ADGRA3: variants seen among roughly 807,000 people sequenced by gnomAD.
ADGRA3 encodes G-protein coupled receptor 125.
Under a neutral mutation model 119.8 loss-of-function variants are expected in ADGRA3, and 56 were observed. The observed-to-expected ratio is 0.47, with a 90% CI of 0.38 to 0.58. ADGRA3 has a LOEUF of 0.58. Ranked by LOEUF, ADGRA3 falls within the 20% of genes least tolerant of loss-of-function variation. The pLI is 0.00. For missense variants in ADGRA3, 1,516 were observed against 1,649.0 expected (o/e 0.92, Z 1.40); for synonymous variants, 607 against 623.8 (o/e 0.97, Z 0.40).
rs902164391 is a variant in ADGRA3 at position 22,422,444 on chromosome 4, G to A, written c.1606-1355C>T. 2.6e-5 allele frequency among the ~76,000 whole-genome samples: 4 copies of A among 152,156 alleles called. No individual in the cohort carries two copies. In the South Asian group the frequency reaches 8.3e-4, roughly 31 times the overall value. ...GTTTTTGCCTCACAATGTAAACACA[G>A]TGAAAAGTCTTTTTAATTCAACTTA... is the stretch of plus-strand genomic sequence containing the variant. On this transcript the variant is annotated intron_variant, in intron 11 of 18. Coordinates refer to ENST00000334304, the MANE Select transcript of ADGRA3 (RefSeq NM_145290.4).
Position 22,471,303 on chromosome 4 carries a change from G to A in ADGRA3, c.329+2469C>T, listed in dbSNP as rs1717851228. 4.6e-5 allele frequency among the ~76,000 whole-genome samples: 7 copies of A among 152,120 alleles called. No homozygotes were observed. The South Asian group carries it at 1.4e-3, about 31-fold the overall frequency. ...AAAGAAGGAAACAACAGAGGCTGGGGCCTACTTGAGCGGGGAAGATGGGAG... is the reference window on the plus strand; with the variant it reads ...AAAGAAGGAAACAACAGAGGCTGGGACCTACTTGAGCGGGGAAGATGGGAG... On this transcript the variant is annotated intron_variant, in intron 2 of 18. Transcript: ENST00000334304.
chr4:22,482,057 G>C (rs967619480), intron 1 of ADGRA3, among the ~76,000 whole-genome samples: 1 of 152,078 alleles, frequency 6.6e-6, no homozygotes, highest in Non-Finnish European at 1.5e-5. Flanking sequence ...CCTTTGATTG[G>C]ATGCATTGAC....
intron 2 of ADGRA3, among the ~76,000 whole-genome samples, chr4:22,472,680 T>C (rs1025593662): frequency 1.3e-5 from 2 of 151,816 alleles, no homozygotes; most frequent in African/African-American, 4.8e-5. Flanking sequence ...ATCAGGAACC[T>C]AAGTAATGAA....
chr4:22,489,631 T>C (rs1291164900), intron 1 of ADGRA3, among the ~76,000 whole-genome samples: 1 of 152,216 alleles, frequency 6.6e-6, no homozygotes, highest in African/African-American at 2.4e-5. Context: ...CACATTCTAC[T>C]AAAATTTCCA....
In ADGRA3 at chr4:22,513,845, C is replaced by CA. The variant is rs59015584; in HGVS notation, c.257+1682dup. On this transcript the variant is annotated intron_variant, in intron 1 of 18. Coordinates refer to ENST00000334304, the MANE Select transcript of ADGRA3 (RefSeq NM_145290.4). ...TATTTTCATCTAAAAAGCTTTCAGG[C>CA]AAAAAAAAAAAAAAAAAAAAAAAAA... Among the ~76,000 whole-genome samples the CA allele has an allele frequency of 2.9e-3, 91 of 31,470 alleles. 4 individuals carry two copies. Among genetic ancestry groups the CA allele is most frequent in the South Asian group, 7.6e-3 (5 of 662 alleles). 20.6% of individuals were successfully genotyped at this position (31,470 alleles called of 152,430 possible).
chr4:22,463,590 C>T (rs976594701), intron 2 of ADGRA3, among the ~76,000 whole-genome samples: 2 of 152,218 alleles, frequency 1.3e-5, no homozygotes, highest in Non-Finnish European at 2.9e-5. Flanking sequence ...GTGTTTTCTT[C>T]CATCCAATCA....
chr4:22,442,624 CATTCA>C, intron 7 of ADGRA3, 21 bp downstream of exon 7: 1 of 1,462,886 alleles, frequency 6.8e-7, no homozygotes, highest in Non-Finnish European at 9.5e-7. Context: ...CACAATTCTT[CATTCA>C]AAAAAAAAAA....
chr4:22,390,610 T>A (rs1714098328), intron 17 of ADGRA3, among the ~76,000 whole-genome samples: 1 of 151,808 alleles, frequency 6.6e-6, no homozygotes, highest in Admixed American at 6.6e-5. Context: ...GCTAAAAATG[T>A]CCTCTCTGGG....
At chr4:22,452,004 T>C (rs1326836094) in intron 4 of ADGRA3, among the ~76,000 whole-genome samples, 1 of 152,218 alleles carries the variant, frequency 6.6e-6, no homozygotes, top group African/African-American at 2.4e-5. Flanking sequence ...CTCAAAAATC[T>C]GGGGACAGTA....
intron 1 of ADGRA3, among the ~76,000 whole-genome samples, chr4:22,504,713 A>G (rs974157871): frequency 8.7e-5 from 13 of 149,450 alleles, no homozygotes; most frequent in Non-Finnish European, 1.9e-4. Context: ...GCTGCCCTCA[A>G]CTGGCTCCTG....
rs781179280 is a variant in ADGRA3 at position 22,402,761 on chromosome 4, G to C, written c.2271C>G (p.Ser757Arg). ...TGSELYTQAA[S>R]LLHPVVYTTA... is the part of the protein sequence containing the mutation. ...TAGTATAAACCACAGGATGCAGGAG[G>C]CTGGCCGCCTGGGTGTATAGTTCAG... Residue 757 changes from serine to arginine, a missense_variant, in exon 15 of 19, where the codon AGC becomes AGG. By Grantham distance (110) the Ser-to-Arg change is moderately radical. Transcript: ENST00000334304. The C allele has an allele frequency of 1.2e-6, 2 of 1,613,764 alleles. No homozygotes were observed. The highest frequency in any genetic ancestry group is 1.1e-5 in the South Asian group (1 of 91,042).
At chr4:22,485,032 A>C (rs1031170291) in intron 1 of ADGRA3, among the ~76,000 whole-genome samples, 6 of 152,130 alleles carry the variant, frequency 3.9e-5, no homozygotes, top group Admixed American at 3.3e-4. Context: ...TAATTTTCTT[A>C]AGTCCTTGGT....
At chr4:22,499,948 T>G (rs1217731865) in intron 1 of ADGRA3, among the ~76,000 whole-genome samples, 1 of 152,170 alleles carries the variant, frequency 6.6e-6, no homozygotes, top group Non-Finnish European at 1.5e-5. Flanking sequence ...TTTTCAGAAT[T>G]TGGAATATTT....
At chr4:22,490,076 T>A (rs946459419) in intron 1 of ADGRA3, among the ~76,000 whole-genome samples, 4 of 152,230 alleles carry the variant, frequency 2.6e-5, no homozygotes, top group Admixed American at 1.3e-4. Context: ...GCCTGATTTT[T>A]TTTCTATTTT....
chr4:22,413,099 CAAAA>C (rs150998541), intron 14 of ADGRA3, 79 bp downstream of exon 14: 24,652 of 933,692 alleles, frequency 0.026, 371 homozygotes, highest in Middle Eastern at 0.1. Context: ...AAACAAAAAA[CAAAA>C]AAACACTTCA....
At chr4:22,463,352 G>A (rs1023777020) in intron 2 of ADGRA3, among the ~76,000 whole-genome samples, 1 of 152,172 alleles carries the variant, frequency 6.6e-6, no homozygotes, top group Admixed American at 6.5e-5. Context: ...AGACCTTCCT[G>A]GAAGTAGACC....
In ADGRA3 at chr4:22,462,304, T is replaced by G. The variant is rs1577363040; in HGVS notation, c.330-496A>C. Among the ~76,000 whole-genome samples the G allele has an allele frequency of 2.0e-5, 3 of 151,908 alleles. No individual in the cohort carries two copies. In the South Asian group the frequency reaches 6.2e-4, roughly 32 times the overall value. On this transcript the variant is annotated intron_variant, in intron 2 of 18. Coordinates refer to ENST00000334304, the MANE Select transcript of ADGRA3 (RefSeq NM_145290.4). ...TTCTATATTTAGGTTTTTGGGGTTT[T>G]TTGTTGTTGTTGTTGTTGTTGTCAT...
intron 4 of ADGRA3, among the ~76,000 whole-genome samples, chr4:22,451,936 T>C (rs1326723292): frequency 6.6e-6 from 1 of 152,212 alleles, no homozygotes; most frequent in Non-Finnish European, 1.5e-5. Context: ...CTATTCTCCA[T>C]ATCTGAAATA....
At chr4:22,462,043 G>A (rs780782448) in intron 2 of ADGRA3, among the ~76,000 whole-genome samples, 5 of 151,920 alleles carry the variant, frequency 3.3e-5, no homozygotes, top group East Asian at 3.9e-4. Context: ...AAAAATATAC[G>A]TCATAAAAGA....
Sources: allele counts gnomAD v4.1 joint callset (sites outside exome capture counted in the v4.1 genomes callset), GRCh38; gene constraint gnomAD v4.1.1; transcripts MANE v1.5; gene names NCBI Gene and HGNC (gene_info 2026-07-23, HGNC 2026-07-21).